The following PCDH15 variants were observed in gnomAD, a reference collection of about 807,000 sequenced individuals.
PCDH15 encodes protocadherin related 15, also known as protocadherin-15.
In PCDH15, 129 loss-of-function variants were observed where a neutral mutation model predicts 178.5. The observed-to-expected ratio is 0.72, with a 90% CI of 0.63 to 0.84. PCDH15 has a LOEUF of 0.84. PCDH15 is among the 40% of genes least tolerant of loss of function. The pLI, the probability that PCDH15 is intolerant of heterozygous loss-of-function variation, is 0.00. For synonymous variants in PCDH15, 800 were observed against 732.0 expected, an observed-to-expected ratio of 1.09 and a Z score of -1.50; for missense variants, 2,230 against 2,099.9, an observed-to-expected ratio of 1.06 and a Z score of -1.21.
chr10:54,453,657 TAAAAAAAAGAA>T lies in PCDH15; in HGVS notation c.157+74144_157+74154del, dbSNP rs576400578. Among the ~76,000 whole-genome samples the T allele has an allele frequency of 5.2e-3, 767 of 148,368 alleles. 11 individuals carry two copies. Among genetic ancestry groups the T allele is most frequent in the Non-Finnish European group, 5.9e-3 (396 of 67,006 alleles). Reference sequence around the variant, plus strand: ...TACCCTAAAACTTAAAGTATAATTTTAAAAAAAAGAAAAAAAAAAGAAAGTGAAATTCAGAC... The same window carrying T: ...TACCCTAAAACTTAAAGTATAATTTTAAAAAAAAGAAAGTGAAATTCAGAC... On this transcript the variant is annotated intron_variant, in intron 3 of 37. Coordinates refer to ENST00000644397, the MANE Select transcript of PCDH15 (RefSeq NM_001384140.1).
At chr10:53,962,500 C>T (rs1227278781) in intron 21 of PCDH15, among the ~76,000 whole-genome samples, 3 of 152,134 alleles carry the variant, frequency 2.0e-5, no homozygotes, top group Non-Finnish European at 4.4e-5. Context: ...TAGGTTAATG[C>T]TCAATCTTTT....
intron 2 of PCDH15, among the ~76,000 whole-genome samples, chr10:55,560,842 CAT>C (rs1187683554): frequency 1.3e-5 from 2 of 151,396 alleles, no homozygotes; most frequent in Non-Finnish European, 2.9e-5. Context: ...TAAAGACTAA[CAT>C]GTAAATATAA....
chr10:55,072,431 A>G (rs553373852), intron 2 of PCDH15, among the ~76,000 whole-genome samples: 33 of 152,352 alleles, frequency 2.2e-4, no homozygotes, highest in African/African-American at 7.2e-4. Flanking sequence ...CACCGATCCC[A>G]TAGAAATACA....
chr10:54,101,054 T>C (rs1398010510), intron 15 of PCDH15, among the ~76,000 whole-genome samples: 4 of 152,180 alleles, frequency 2.6e-5, no homozygotes, highest in Admixed American at 6.5e-5. Context: ...CCACGTGTTG[T>C]GGGAGAGACC....
chr10:54,929,793 G>T (rs11004639), intron 2 of PCDH15, among the ~76,000 whole-genome samples: 6,514 of 152,302 alleles, frequency 0.043, 211 homozygotes, highest in Non-Finnish European at 0.067. Flanking sequence ...AGCTGGAGCT[G>T]TGTGAGGAAT....
chr10:54,002,942 CT>C (rs2092232969), intron 20 of PCDH15, among the ~76,000 whole-genome samples: 2 of 152,166 alleles, frequency 1.3e-5, no homozygotes, highest in Admixed American at 1.3e-4. Context: ...TTCCCTTTCG[CT>C]TTGTTCAATA....
At chr10:54,275,899 G>A (rs1336257575) in intron 8 of PCDH15, among the ~76,000 whole-genome samples, 1 of 151,292 alleles carries the variant, frequency 6.6e-6, no homozygotes, top group Non-Finnish European at 1.5e-5. Flanking sequence ...ACAAATCAGA[G>A]GTTAAATTTT....
At chr10:54,891,203 A>G (rs1954455180) in intron 3 of PCDH15, among the ~76,000 whole-genome samples, 1 of 152,086 alleles carries the variant, frequency 6.6e-6, no homozygotes, top group Non-Finnish European at 1.5e-5. Flanking sequence ...TGTCTATTCT[A>G]TTCAGATAAT....
intron 2 of PCDH15, among the ~76,000 whole-genome samples, chr10:55,153,205 C>T (rs888546120): frequency 6.6e-6 from 1 of 151,976 alleles, no homozygotes; most frequent in Non-Finnish European, 1.5e-5. Context: ...ACAAAACTAG[C>T]CTGGATAAAT....
At chr10:55,306,003 C>T (rs1415955188) in intron 1 of PCDH15, among the ~76,000 whole-genome samples, 1 of 152,106 alleles carries the variant, frequency 6.6e-6, no homozygotes, top group African/African-American at 2.4e-5. Flanking sequence ...TTAAAAACAA[C>T]TTTAGCCTGA....
intron 8 of PCDH15, among the ~76,000 whole-genome samples, chr10:54,289,728 G>A (rs1297446926): frequency 6.6e-6 from 1 of 152,148 alleles, no homozygotes; most frequent in Admixed American, 6.5e-5. Context: ...GAAAACCATG[G>A]CACAAGAACT....
At chr10:54,146,473 T>C (rs2133240976) in intron 14 of PCDH15, among the ~76,000 whole-genome samples, 1 of 152,020 alleles carries the variant, frequency 6.6e-6, no homozygotes, top group East Asian at 1.9e-4. Context: ...CTTAATTTAA[T>C]TGGATAACGT....
rs181512250 is a variant in PCDH15, at chr10:53,911,779, C to A, written c.3374-8409G>T. Among the ~76,000 whole-genome samples the A allele has an allele frequency of 3.1e-3, 472 of 152,238 alleles. 2 individuals carry two copies. The highest frequency in any genetic ancestry group is 5.0e-3 in the Admixed American group (77 of 15,276). The stretch of plus-strand genomic sequence containing the variant: ...AATCTCTGAATAGACCAATAACAGG[C>A]TCTGAAATTGAGGCAATAATTAATA... On this transcript the variant is annotated intron_variant, in intron 25 of 37. Coordinates refer to ENST00000644397, the MANE Select transcript of PCDH15 (RefSeq NM_001384140.1).
In PCDH15 at chr10:55,365,943, G is replaced by C. The variant is rs1225700073; in HGVS notation, c.-155-199292C>G. The C allele has an allele frequency of 2.0e-5, 3 of 152,064 alleles. No individual in the cohort carries two copies. The East Asian group carries it at 5.8e-4, about 29-fold the overall frequency. The allele number at this position is 152,064 out of a possible 1,614,324, so 9.4% of individuals were successfully genotyped here. ...CCCTTTCCACTCCTTAGATTAGAAA[G>C]AGAAGGCTTCATCTGGAGTTACTTA... On this transcript the variant is annotated intron_variant, in intron 2 of 5. Coordinates refer to the PCDH15 transcript ENST00000613346.
At chr10:54,462,983 A>T (rs1278578818) in intron 3 of PCDH15, among the ~76,000 whole-genome samples, 1 of 152,128 alleles carries the variant, frequency 6.6e-6, no homozygotes, top group Non-Finnish European at 1.5e-5. Context: ...AACATAAAAC[A>T]ATATCCTAAG....
At chr10:54,987,166 T>G (rs1474552686) in intron 2 of PCDH15, among the ~76,000 whole-genome samples, 1 of 152,194 alleles carries the variant, frequency 6.6e-6, no homozygotes, top group Non-Finnish European at 1.5e-5. Flanking sequence ...GTTTCCAGCT[T>G]CATCCGTGTC....
intron 2 of PCDH15, among the ~76,000 whole-genome samples, chr10:54,949,480 G>A (rs919618502): frequency 6.6e-5 from 10 of 151,904 alleles, no homozygotes; most frequent in Admixed American, 3.3e-4. Flanking sequence ...GAAGACCCCT[G>A]ACATGCCCTG....
chr10:54,000,051 G>A (rs759036737), intron 20 of PCDH15, among the ~76,000 whole-genome samples: 5 of 152,086 alleles, frequency 3.3e-5, no homozygotes, highest in Admixed American at 6.5e-5. Context: ...GTTTCTGCCT[G>A]GTAATTAAGG....
chr10:55,257,971 G>A (rs1056577796), intron 1 of PCDH15, among the ~76,000 whole-genome samples: 3 of 152,202 alleles, frequency 2.0e-5, no homozygotes, highest in Non-Finnish European at 4.4e-5. Context: ...GGCAGCCAGA[G>A]AGAAAGGTTG....
Sources: gnomAD v4.1 joint callset for allele counts (sites outside exome capture counted in the v4.1 genomes callset) on GRCh38, gnomAD v4.1.1 for gene constraint, MANE v1.5 for transcripts, NCBI Gene and HGNC (gene_info 2026-07-23, HGNC 2026-07-21) for gene names.